Variants in SH3TC2 observed in about 807,000 individuals in gnomAD.
The protein encoded by SH3TC2 is SH3 domain and tetratricopeptide repeat-containing protein 2.
A neutral mutation model predicts 124.5 loss-of-function variants in SH3TC2; 87 were observed. The observed-to-expected ratio is 0.70, with a 90% confidence interval of 0.59 to 0.84. The LOEUF is 0.84. SH3TC2 is among the 40% of genes least tolerant of loss of function. SH3TC2 has a pLI of 0.00. For synonymous variants in SH3TC2, 634 were observed against 628.5 expected (o/e 1.01, Z -0.13); for missense variants, 1,536 against 1,566.4 (o/e 0.98, Z 0.33).
chr5:148,993,198 A>G lies in SH3TC2; in HGVS notation c.*11513T>C, dbSNP rs1753449457. 6.6e-6 allele frequency among the ~76,000 whole-genome samples: 1 copy of G among 152,232 alleles called. No homozygotes were observed. The highest frequency in any genetic ancestry group is 2.4e-5 in the African/African-American group (1 of 41,456). Reference sequence around the variant, plus strand: ...ACAAAGAATGTGTTAATGAGCAAACATTCACAGGGGAATCAAATTATCCCA... The same window carrying G: ...ACAAAGAATGTGTTAATGAGCAAACGTTCACAGGGGAATCAAATTATCCCA... On this transcript the variant is annotated 3_prime_UTR_variant, in exon 17 of 17. Transcript: ENST00000515425.
chr5:149,035,536 A>G (rs1754269341), intron 8 of SH3TC2: 1 of 152,672 alleles, frequency 6.5e-6, no homozygotes, highest in African/African-American at 2.4e-5. Flanking sequence ...GAGTTGGGTC[A>G]TTCCTCTGAG....
At chr5:149,045,673 C>G (rs572366900) in intron 3 of SH3TC2, 1 of 153,958 alleles carries the variant, frequency 6.5e-6, no homozygotes, top group East Asian at 1.9e-4. Context: ...GACGGAGTCT[C>G]GCTCTGTCGC....
In SH3TC2 at chr5:149,048,096, TG is replaced by T. The variant is rs536732281; in HGVS notation, c.152-108del. Reference sequence around the variant, plus strand: ...CTACATGTATACCTGAACCCTCAACTGGTGTCCTCATTAGTTACAGATTAGA... The same window carrying T: ...CTACATGTATACCTGAACCCTCAACTGTGTCCTCATTAGTTACAGATTAGA... On this transcript the variant is annotated intron_variant, in intron 2 of 16. Transcript: ENST00000515425. The T allele has an allele frequency of 2.3e-4, 333 of 1,473,660 alleles. No individual in the cohort carries two copies. In the African/African-American group the frequency reaches 3.9e-3, roughly 17 times the overall value. 91.3% of individuals were successfully genotyped at this position (1,473,660 alleles called of 1,614,324 possible). A position where few individuals can be genotyped will look rare whatever the true frequency, so the allele number is the denominator to read the frequency against.
intron 12 of SH3TC2, among the ~76,000 whole-genome samples, chr5:149,022,395 T>C (rs770450116): frequency 6.6e-6 from 1 of 152,100 alleles, no homozygotes; most frequent in African/African-American, 2.4e-5. Context: ...CACTAACAAG[T>C]GGTGGTGAAG....
chr5:149,055,231 A>G (rs1028663910), intron 1 of SH3TC2, among the ~76,000 whole-genome samples: 16 of 152,146 alleles, frequency 1.1e-4, no homozygotes, highest in African/African-American at 3.6e-4. Context: ...AGAGACTGAA[A>G]AGCAAGTGAC....
In SH3TC2 at chr5:148,982,747, T is replaced by A. The variant is rs1393052221; in HGVS notation, c.*21964A>T. ...TGGAAGAATACACAAGAAACTAATT[T>A]TTTAAATGTGGCCTATGGTAGGGAA... On this transcript the variant is annotated 3_prime_UTR_variant, in exon 17 of 17. Coordinates refer to ENST00000515425, the MANE Select transcript of SH3TC2 (RefSeq NM_024577.4). 1.3e-5 allele frequency among the ~76,000 whole-genome samples: 2 copies of A among 152,220 alleles called. No homozygotes were observed. The highest frequency in any genetic ancestry group is 4.8e-5 in the African/African-American group (2 of 41,464).
rs1433593080 is a variant in SH3TC2, at chr5:148,995,211, T to C, written c.*9500A>G. On this transcript the variant is annotated 3_prime_UTR_variant, in exon 17 of 17. Transcript: ENST00000515425. ...CCTAAGTTCTGAAAGAGAAAACGTG[T>C]ATCAGAATTACATAATTATATAAAG... 1.3e-5 allele frequency among the ~76,000 whole-genome samples: 2 copies of C among 152,248 alleles called. No individual in the cohort carries two copies. Among genetic ancestry groups the C allele is most frequent in the African/African-American group, 2.4e-5 (1 of 41,466 alleles).
At chr5:149,061,677 G>A (rs1357631886) in intron 1 of SH3TC2, among the ~76,000 whole-genome samples, 3 of 152,182 alleles carry the variant, frequency 2.0e-5, no homozygotes, top group Non-Finnish European at 4.4e-5. Flanking sequence ...AAGACCAAGT[G>A]AGTAGCCAAG....
At chr5:149,006,729 G>T in intron 16 of SH3TC2, 152 bp downstream of exon 16, 1 of 825,852 alleles carries the variant, frequency 1.2e-6, no homozygotes, top group Non-Finnish European at 2.1e-6. Context: ...CATGTCCCCT[G>T]TAAAGCCACT....
intron 2 of SH3TC2, among the ~76,000 whole-genome samples, chr5:149,049,118 C>T (rs1754514257): frequency 6.6e-6 from 1 of 152,208 alleles, no homozygotes; most frequent in Non-Finnish European, 1.5e-5. Context: ...AATGCTGTGG[C>T]TGCAAATGAG....
rs76629974 is a variant in SH3TC2 at position 149,013,033 on chromosome 5, C to T, written c.3054-299G>A. ...TAAGTGCTTAGAACAGTGCCTATTA[C>T]GTCCTTGGCACCTGATGAATGTTTA... On this transcript the variant is annotated intron_variant, in intron 12 of 16. Coordinates refer to ENST00000515425, the MANE Select transcript of SH3TC2 (RefSeq NM_024577.4). 0.01 allele frequency among the ~76,000 whole-genome samples: 1,598 copies of T among 152,250 alleles called. 19 individuals are homozygous for T. Among genetic ancestry groups the T allele is most frequent in the African/African-American group, 0.037 (1,517 of 41,544 alleles).
intron 7 of SH3TC2, 144 bp from the exon 8 acceptor site, chr5:149,038,634 A>G (rs1238770437): frequency 5.9e-6 from 5 of 843,254 alleles, no homozygotes; most frequent in Non-Finnish European, 9.9e-6. Context: ...CCCACCCAAA[A>G]ATTGGCAGGA....
chr5:149,035,423 G>T (rs1754265832), intron 8 of SH3TC2: 1 of 152,616 alleles, frequency 6.6e-6, no homozygotes, highest in Non-Finnish European at 1.5e-5. Flanking sequence ...AGCAAAGGCT[G>T]AATTTCTTCT....
chr5:149,039,570 T>C (rs964446749), intron 7 of SH3TC2, among the ~76,000 whole-genome samples: 3 of 152,232 alleles, frequency 2.0e-5, no homozygotes, highest in Admixed American at 1.3e-4. Context: ...TGTGGGTCGA[T>C]GGGATCTACC....
chr5:149,018,281 C>G (rs996649811), intron 12 of SH3TC2, among the ~76,000 whole-genome samples: 4 of 152,124 alleles, frequency 2.6e-5, no homozygotes, highest in African/African-American at 9.7e-5. Context: ...ATTGCAACCC[C>G]CCGCCCCCAT....
At chr5:149,062,822 T>C in intron 1 of SH3TC2, 149 bp downstream of exon 1, 1 of 763,388 alleles carries the variant, frequency 1.3e-6, no homozygotes, top group Non-Finnish European at 2.3e-6. Context: ...GACAAACACT[T>C]ACCCAGGGAG....
rs200332172 is a variant in SH3TC2, at chr5:149,027,935, C to T, written c.1797G>A (p.Leu599=). The T allele has an allele frequency of 1.9e-6, 3 of 1,613,984 alleles. No individual in the cohort carries two copies. Among genetic ancestry groups the T allele is most frequent in the South Asian group, 2.2e-5 (2 of 91,088 alleles). Residue 599 remains leucine (L), a synonymous_variant, in exon 11 of 17, where the codon CTG becomes CTA. Coordinates refer to ENST00000515425, the MANE Select transcript of SH3TC2 (RefSeq NM_024577.4). ...SALLEKAGAL[L]ACLPDRESSA... ...TAGACTCACGGTCAGGCAGGCAGGC[C>T]AGCAGGGCACCTGCCTTTTCCAACA...
intron 12 of SH3TC2, among the ~76,000 whole-genome samples, chr5:149,015,866 G>A (rs915213260): frequency 4.6e-5 from 7 of 152,160 alleles, no homozygotes; most frequent in African/African-American, 1.7e-4. Context: ...GTGAGGTGTT[G>A]GATGTGTACT....
chr5:149,039,128 G>A (rs1261659860), intron 7 of SH3TC2, among the ~76,000 whole-genome samples: 1 of 152,194 alleles, frequency 6.6e-6, no homozygotes, highest in Non-Finnish European at 1.5e-5. Context: ...GACTTAGAAG[G>A]ATCTAAAAGA....
Sources: gnomAD v4.1 joint callset for allele counts (sites outside exome capture counted in the v4.1 genomes callset) on GRCh38, gnomAD v4.1.1 for gene constraint, MANE v1.5 for transcripts, NCBI Gene and HGNC (gene_info 2026-07-23, HGNC 2026-07-21) for gene names.